Variants in EIF4E2 observed in about 807,000 individuals in gnomAD.
EIF4E2 encodes eukaryotic translation initiation factor 4E family member 2.
Under a neutral mutation model 34.2 loss-of-function variants are expected in EIF4E2, and 13 were observed. The observed-to-expected ratio is 0.38, with a 90% CI of 0.25 to 0.60. EIF4E2 has a LOEUF of 0.60. Ranked by LOEUF, EIF4E2 falls within the 20% of genes least tolerant of loss-of-function variation. The pLI is 0.62. For synonymous variants in EIF4E2, 100 were observed against 106.6 expected (o/e 0.94, Z 0.38); for missense variants, 222 against 315.1 (o/e 0.70, Z 2.24).
intron 2 of EIF4E2, among the ~76,000 whole-genome samples, chr2:232,556,890 A>G (rs1026627354): frequency 6.6e-6 from 1 of 152,180 alleles, no homozygotes; most frequent in Non-Finnish European, 1.5e-5. Flanking sequence ...CTAAGGTGAA[A>G]GTGACTTGGA....
intron 1 of EIF4E2, among the ~76,000 whole-genome samples, chr2:232,552,107 G>T (rs936405522): frequency 1.3e-5 from 2 of 152,110 alleles, no homozygotes; most frequent in Admixed American, 1.3e-4. Flanking sequence ...ATCCTAAGAA[G>T]ACATCTTATG....
At chr2:232,574,999 CTG>C (rs572837468) in intron 6 of EIF4E2, among the ~76,000 whole-genome samples, 237 of 152,304 alleles carry the variant, frequency 1.6e-3, no homozygotes, top group African/African-American at 5.0e-3. Context: ...ATGTTTGTCT[CTG>C]TAGCAGAGGG....
chr2:232,569,133 A>G lies in EIF4E2; in HGVS notation c.*116A>G, dbSNP rs992488394. On this transcript the variant is annotated 3_prime_UTR_variant, in exon 7 of 7. Coordinates refer to ENST00000258416, the MANE Select transcript of EIF4E2 (RefSeq NM_004846.4). ...CCTGGACAAGAGGAATTGGAAGAGC[A>G]TTTTATGTTTTAAGAACAGGCTGAC... 67 of 1,507,398 alleles carry G rather than the reference A, an allele frequency of 4.4e-5. No homozygotes were observed. Among genetic ancestry groups the G allele is most frequent in the Middle Eastern group, 1.7e-4 (1 of 5,806 alleles). The allele number at this position is 1,507,398 out of a possible 1,614,324, so 93.4% of individuals were successfully genotyped here.
downstream of EIF4E2, chr2:232,573,806 A>T: frequency 3.1e-6 from 1 of 325,628 alleles, no homozygotes; most frequent in Non-Finnish European, 6.1e-6. Context: ...GCATCTTTAG[A>T]CATCATAATG....
intron 6 of EIF4E2, among the ~76,000 whole-genome samples, chr2:232,579,123 T>TACACACACACACAC (rs71056276): frequency 3.2e-4 from 47 of 146,632 alleles, no homozygotes; most frequent in South Asian, 9.1e-4. Flanking sequence ...AACTCAGAAA[T>TACACACACACACAC]ACACACACAC....
At chr2:232,555,147 A>G (rs1692478112) in intron 1 of EIF4E2, among the ~76,000 whole-genome samples, 1 of 152,204 alleles carries the variant, frequency 6.6e-6, no homozygotes, top group South Asian at 2.1e-4. Flanking sequence ...CGTGGGCAAA[A>G]AAAACCAGAC....
chr2:232,581,131 G>A lies in EIF4E2; in HGVS notation c.*188G>A, dbSNP rs1215455896. 11 of 718,846 alleles carry A rather than the reference G, an allele frequency of 1.5e-5. No individual in the cohort carries two copies. Among genetic ancestry groups the A allele is most frequent in the Non-Finnish European group, 2.3e-5 (9 of 390,852 alleles). The allele number at this position is 718,846 out of a possible 1,614,324, so 44.5% of individuals were successfully genotyped here. On this transcript the variant is annotated 3_prime_UTR_variant, in exon 7 of 7. Transcript: ENST00000409098. This position sits in a 1 kb window ranked among gnomAD's most constrained non-coding sequence, Gnocchi z 5.2. ...TCCAGCATCGCTGACTTTATAAAGC[G>A]GAAAAACGGAAAACGTGACTTTGTA... is the stretch of plus-strand genomic sequence containing the variant.
chr2:232,561,000 C>T (rs889052112), intron 3 of EIF4E2, among the ~76,000 whole-genome samples: 1 of 152,076 alleles, frequency 6.6e-6, no homozygotes, highest in African/African-American at 2.4e-5. Context: ...ATAAGATGTG[C>T]CCAGGAATTT....
At chr2:232,568,629 A>G (rs1693015288) in intron 6 of EIF4E2, 2 of 985,434 alleles carry the variant, frequency 2.0e-6, no homozygotes, top group Non-Finnish European at 1.2e-6. Flanking sequence ...GGAGAGGGAA[A>G]GAGGTATTTT....
intron 3 of EIF4E2, among the ~76,000 whole-genome samples, chr2:232,559,562 A>T (rs545594848): frequency 6.6e-6 from 1 of 152,332 alleles, no homozygotes; most frequent in African/African-American, 2.4e-5. Flanking sequence ...ATTTCCTTCC[A>T]ACATTATGAT....
chr2:232,562,305 G>A (rs2573217), intron 3 of EIF4E2, among the ~76,000 whole-genome samples: 46,247 of 152,074 alleles, frequency 0.3, 7,553 homozygotes, highest in Admixed American at 0.41. Context: ...GTGGGGCTGG[G>A]CGCGGTGGCT....
intron 1 of EIF4E2, among the ~76,000 whole-genome samples, chr2:232,552,189 G>T (rs1692361081): frequency 6.6e-6 from 1 of 152,062 alleles, no homozygotes; most frequent in Non-Finnish European, 1.5e-5. Context: ...GACTTCCACA[G>T]GGATCTTGCT....
intron 2 of EIF4E2, among the ~76,000 whole-genome samples, chr2:232,557,064 G>T (rs1324724489): frequency 6.6e-6 from 1 of 152,164 alleles, no homozygotes; most frequent in African/African-American, 2.4e-5. Flanking sequence ...GGCCAACATG[G>T]TAAAACCCCA....
chr2:232,559,507 A>G (rs1692645112), intron 3 of EIF4E2, among the ~76,000 whole-genome samples: 1 of 152,222 alleles, frequency 6.6e-6, no homozygotes, highest in African/African-American at 2.4e-5. Flanking sequence ...TACTACAACA[A>G]ACTGCTAAGG....
At chr2:232,558,172 G>T in intron 3 of EIF4E2, 154 bp downstream of exon 3, 1 of 941,050 alleles carries the variant, frequency 1.1e-6, no homozygotes, top group Non-Finnish European at 1.5e-6. Context: ...TTCATTCTTA[G>T]GTTTCTCACT....
At position 232,581,263 on chromosome 2, in the gene EIF4E2, G is replaced by A. The variant is rs1693354518; in HGVS notation, c.*320G>A. ...TTGGGCGTCCTGTTGTTCTCTTCCC[G>A]TGTTGTACGAAGGGTACCGTGGCCA... is the stretch of plus-strand genomic sequence containing the variant. On this transcript the variant is annotated 3_prime_UTR_variant, in exon 7 of 7. Coordinates refer to the EIF4E2 transcript ENST00000409098. The surrounding 1 kb of genome is among the most constrained non-coding windows in gnomAD (Gnocchi z 5.2). 6.6e-6 allele frequency: 3 copies of A among 455,766 alleles called. No individual in the cohort carries two copies. Among genetic ancestry groups the A allele is most frequent in the East Asian group, 4.8e-5 (1 of 20,742 alleles). The allele number at this position is 455,766 out of a possible 1,614,324, so 28.2% of individuals were successfully genotyped here.
In EIF4E2 at chr2:232,564,321, C is replaced by T; in HGVS notation, c.345C>T (p.Leu115=). 1 of 1,590,060 alleles carries T rather than the reference C, an allele frequency of 6.3e-7. No homozygotes were observed. Among genetic ancestry groups the T allele is most frequent in the South Asian group, 1.1e-5 (1 of 87,214 alleles). ...TGACAGGCCACAGTGACTTCCATCT[C>T]TTCAAAGAAGGAATTAAACCCATGT... is the stretch of plus-strand genomic sequence containing the variant. The part of the protein sequence containing the change: ...GDLTGHSDFH[L]FKEGIKPMWE... The change falls in exon 4 of 7, where the codon CTC becomes CTT. Residue 115 remains leucine (L), a synonymous_variant. Coordinates refer to ENST00000258416, the MANE Select transcript of EIF4E2 (RefSeq NM_004846.4).
chr2:232,570,364 A>G (rs375887806), downstream of EIF4E2, among the ~76,000 whole-genome samples: 44 of 152,340 alleles, frequency 2.9e-4, no homozygotes, highest in Middle Eastern at 6.8e-3. Flanking sequence ...CTACGTTTTT[A>G]GTATTTGTCA....
At chr2:232,580,044 G>T (rs548082303) in intron 6 of EIF4E2, among the ~76,000 whole-genome samples, 1 of 149,120 alleles carries the variant, frequency 6.7e-6, no homozygotes, top group Admixed American at 6.8e-5. Context: ...CCAATAAAAG[G>T]CAACTAAGAG....
Sources: allele counts gnomAD v4.1 joint callset (sites outside exome capture counted in the v4.1 genomes callset), GRCh38; gene constraint gnomAD v4.1.1; non-coding constraint Gnocchi (gnomAD v3.1); transcripts MANE v1.5; gene names NCBI Gene and HGNC (gene_info 2026-07-23, HGNC 2026-07-21).